SDHAF3: variants seen among roughly 807,000 people sequenced by gnomAD.
SDHAF3 encodes the protein succinate dehydrogenase assembly factor 3, mitochondrial.
SDHAF3 carries 18 observed loss-of-function variants against 11.5 expected under a neutral mutation model. The ratio of observed to expected loss-of-function variants is 1.56; its 90% confidence interval spans 1.08 to 2.32. The LOEUF is 2.32. SDHAF3 is among the 30% of genes most tolerant of loss of function. The probability of loss-of-function intolerance (pLI) is 0.00; values close to 1 mark genes in which losing one functional copy is unlikely to be tolerated. For missense variants in SDHAF3, 200 were observed against 154.4 expected, an observed-to-expected ratio of 1.30 and a Z score of -1.57; for synonymous variants, 72 against 59.3, an observed-to-expected ratio of 1.21 and a Z score of -0.99.
At chr7:97,163,438 C>A (rs960430099) in intron 1 of SDHAF3, among the ~76,000 whole-genome samples, 1 of 152,158 alleles carries the variant, frequency 6.6e-6, no homozygotes, top group Non-Finnish European at 1.5e-5. Context: ...CTGCGCCTGG[C>A]CTATAGTCTG....
At chr7:97,133,517 T>G (rs1791700302) in intron 1 of SDHAF3, among the ~76,000 whole-genome samples, 1 of 152,194 alleles carries the variant, frequency 6.6e-6, no homozygotes, top group Non-Finnish European at 1.5e-5. Flanking sequence ...GTTGCCCTTT[T>G]TTCCTGAACA....
chr7:97,120,082 C>T (rs928864812), intron 1 of SDHAF3, among the ~76,000 whole-genome samples: 6 of 152,112 alleles, frequency 3.9e-5, no homozygotes, highest in Middle Eastern at 3.2e-3. Context: ...CAGATGATTA[C>T]TAGTCTTAGC....
At chr7:97,127,360 T>A (rs1398644199) in intron 1 of SDHAF3, among the ~76,000 whole-genome samples, 1 of 152,246 alleles carries the variant, frequency 6.6e-6, no homozygotes. Flanking sequence ...GTTCAATTCT[T>A]TATACTTGTG....
chr7:97,137,611 G>A (rs566069999), intron 1 of SDHAF3, among the ~76,000 whole-genome samples: 1 of 152,146 alleles, frequency 6.6e-6, no homozygotes, highest in East Asian at 1.9e-4. Flanking sequence ...TAGGGGTTAT[G>A]GATATTAGTA....
At chr7:97,176,066 A>G (rs549053923) in intron 1 of SDHAF3, among the ~76,000 whole-genome samples, 2 of 152,252 alleles carry the variant, frequency 1.3e-5, no homozygotes, top group South Asian at 4.1e-4. Flanking sequence ...CCCTCTAAGA[A>G]TACTTGTGAC....
chr7:97,142,333 G>A (rs529422911), intron 1 of SDHAF3, among the ~76,000 whole-genome samples: 14 of 152,128 alleles, frequency 9.2e-5, no homozygotes, highest in Admixed American at 2.6e-4. Flanking sequence ...GATTACAGGC[G>A]TGAGCCACCG....
chr7:97,146,510 G>C (rs772177601), intron 1 of SDHAF3, among the ~76,000 whole-genome samples: 1 of 152,108 alleles, frequency 6.6e-6, no homozygotes, highest in African/African-American at 2.4e-5. Flanking sequence ...AATTGTTCTT[G>C]AGACATATTT....
chr7:97,148,212 C>T (rs1418290633), intron 1 of SDHAF3, among the ~76,000 whole-genome samples: 1 of 152,138 alleles, frequency 6.6e-6, no homozygotes, highest in Non-Finnish European at 1.5e-5. Flanking sequence ...TTTACAATAA[C>T]ACGATAACAT....
chr7:97,120,684 TATG>T (rs1419306556), intron 1 of SDHAF3, among the ~76,000 whole-genome samples: 4 of 152,190 alleles, frequency 2.6e-5, no homozygotes, highest in African/African-American at 9.7e-5. Flanking sequence ...TCTAACTTAA[TATG>T]TAGAGTCTGG....
rs571043507 is a variant in SDHAF3 at position 97,141,636 on chromosome 7, A to G, written c.174+23739A>G. On this transcript the variant is annotated intron_variant, in intron 1 of 1. Transcript: ENST00000432641. The stretch of plus-strand genomic sequence containing the variant: ...TTAAGAGTCTCATGCTCTACTGACT[A>G]GCGCCTGCCATCACACCTGGCAATT... 3.3e-5 allele frequency among the ~76,000 whole-genome samples: 5 copies of G among 152,204 alleles called. No individual in the cohort carries two copies. The South Asian group carries it at 1.0e-3, about 32-fold the overall frequency.
chr7:97,132,317 TGA>T (rs1443058148), intron 1 of SDHAF3, among the ~76,000 whole-genome samples: 6 of 152,192 alleles, frequency 3.9e-5, no homozygotes. Flanking sequence ...GATTTCTTGT[TGA>T]GTTTTGTAAA....
chr7:97,126,845 G>GAA lies in SDHAF3; in HGVS notation c.174+8964_174+8965dup, dbSNP rs553016957. Among the ~76,000 whole-genome samples the GAA allele has an allele frequency of 3.2e-3, 374 of 117,566 alleles. 3 individuals are homozygous for GAA. Among genetic ancestry groups the GAA allele is most frequent in the East Asian group, 0.013 (53 of 4,096 alleles). 77.1% of individuals were successfully genotyped at this position (117,566 alleles called of 152,430 possible). ...GGGTTCCAGGCACCACTGGAGTACC[G>GAA]AAAAAAAAAAAAAAAAACCCTGCAG... On this transcript the variant is annotated intron_variant, in intron 1 of 1. Transcript: ENST00000432641.
intron 1 of SDHAF3, among the ~76,000 whole-genome samples, chr7:97,145,272 C>A (rs1199470494): frequency 2.0e-5 from 3 of 151,920 alleles, no homozygotes; most frequent in Admixed American, 2.0e-4. Context: ...ATACTTATGT[C>A]TGGGAAGATG....
At chr7:97,150,553 CT>C (rs1306068936) in intron 1 of SDHAF3, among the ~76,000 whole-genome samples, 7 of 133,186 alleles carry the variant, frequency 5.3e-5, no homozygotes, top group Admixed American at 1.7e-4. Flanking sequence ...TGAAAGGAAT[CT>C]TTTTTTCCTT....
At chr7:97,118,842 TTC>T (rs1255373916) in intron 1 of SDHAF3, among the ~76,000 whole-genome samples, 2 of 152,178 alleles carry the variant, frequency 1.3e-5, no homozygotes, top group Non-Finnish European at 2.9e-5. Flanking sequence ...ACTTCCAGAA[TTC>T]TTTTTTGTAT....
chr7:97,142,198 C>T (rs904146115), intron 1 of SDHAF3, among the ~76,000 whole-genome samples: 3 of 151,444 alleles, frequency 2.0e-5, no homozygotes, highest in African/African-American at 7.3e-5. Context: ...GGATTGCAGG[C>T]GCATACCACC....
chr7:97,150,871 T>C (rs528669218), intron 1 of SDHAF3, among the ~76,000 whole-genome samples: 53 of 152,150 alleles, frequency 3.5e-4, no homozygotes, highest in Non-Finnish European at 7.5e-4. Flanking sequence ...CTAGGAATCT[T>C]TTTCTGATCA....
chr7:97,179,929 A>G (rs1421546233), intron 1 of SDHAF3, among the ~76,000 whole-genome samples: 1 of 152,250 alleles, frequency 6.6e-6, no homozygotes, highest in African/African-American at 2.4e-5. Context: ...CAAGCAATTT[A>G]TATATCTCAA....
At chr7:97,138,847 C>A (rs1261114968) in intron 1 of SDHAF3, among the ~76,000 whole-genome samples, 2 of 152,198 alleles carry the variant, frequency 1.3e-5, no homozygotes, top group Non-Finnish European at 2.9e-5. Context: ...CAGTGACACC[C>A]CCATCTGGTC....
Sources: allele counts gnomAD v4.1 joint callset (sites outside exome capture counted in the v4.1 genomes callset), GRCh38; gene constraint gnomAD v4.1.1; transcripts MANE v1.5; gene names NCBI Gene and HGNC (gene_info 2026-07-23, HGNC 2026-07-21).